ADGRE1: variants seen among roughly 807,000 people sequenced by gnomAD.
The protein encoded by ADGRE1 is EGF-like module receptor 1.
ADGRE1 carries 82 observed loss-of-function variants against 102.7 expected under a neutral mutation model. That is an observed-to-expected ratio of 0.80 (90% CI 0.67 to 0.96). The LOEUF is 0.96. Among genes scored for constraint, ADGRE1 ranks in the 40% least tolerant of loss-of-function variants. The probability of loss-of-function intolerance (pLI) is 0.00; values close to 1 mark genes in which losing one functional copy is unlikely to be tolerated. For synonymous variants in ADGRE1, 398 were observed against 399.6 expected (o/e 1.00, Z 0.05); for missense variants, 1,032 against 1,085.3 (o/e 0.95, Z 0.69).
In ADGRE1 at chr19:6,940,199, A is replaced by C; in HGVS notation, c.*170A>C. 1.4e-6 allele frequency: 1 copy of C among 716,760 alleles called. No homozygotes were observed. Among genetic ancestry groups the C allele is most frequent in the Non-Finnish European group, 2.3e-6 (1 of 430,110 alleles). The allele number at this position is 716,760 out of a possible 1,614,324, so 44.4% of individuals were successfully genotyped here. A position where few individuals can be genotyped will look rare whatever the true frequency, so the allele number is the denominator to read the frequency against. Reference sequence around the variant, plus strand: ...GGGCGGTCTTCCTGTGGTTGTATGCACTGATGAGAAATCAGGCGTTTCTGC... The same window carrying C: ...GGGCGGTCTTCCTGTGGTTGTATGCCCTGATGAGAAATCAGGCGTTTCTGC... On this transcript the variant is annotated 3_prime_UTR_variant, in exon 21 of 21. Transcript: ENST00000312053.
chr19:6,902,395 TTTTGTTTG>T (rs796674956), intron 6 of ADGRE1, among the ~76,000 whole-genome samples: 2 of 152,100 alleles, frequency 1.3e-5, no homozygotes, highest in South Asian at 2.1e-4. Flanking sequence ...GTGTGCCTCT[TTTTGTTTG>T]TTTGTTTGTT....
At chr19:6,920,515 G>GTTTTTTT (rs1568355076) in intron 13 of ADGRE1, among the ~76,000 whole-genome samples, 11 of 67,982 alleles carry the variant, frequency 1.6e-4, no homozygotes, top group Non-Finnish European at 2.4e-4. Flanking sequence ...CACCATGCCC[G>GTTTTTTT]CTTTTTTTTT....
At chr19:6,919,423 TCTCTCC>T in intron 12 of ADGRE1, 119 bp from the exon 13 acceptor site, 5 of 557,880 alleles carry the variant, frequency 9.0e-6, no homozygotes, top group East Asian at 4.4e-5. Flanking sequence ...TCTCTCTCTC[TCTCTCC>T]CCCTCCCTCC....
rs1975461572 is a variant in ADGRE1, at chr19:6,937,401, T to C, written c.2540T>C (p.Leu847Pro). Residue 847 changes from leucine (L) to proline (P), a missense_variant, in exon 19 of 21, where the codon CTC becomes CCC. Coordinates refer to ENST00000312053, the MANE Select transcript of ADGRE1 (RefSeq NM_001974.5). ...GAFIFLIHCL[L>P]NGQVREEYKR... ...TTCATCTTCCTCATCCACTGTCTGCTCAACGGCCAGGTGTGTAGCTGCTGC... is the reference window on the plus strand; with the variant it reads ...TTCATCTTCCTCATCCACTGTCTGCCCAACGGCCAGGTGTGTAGCTGCTGC... 5 of 1,613,400 alleles carry C rather than the reference T, an allele frequency of 3.1e-6. No homozygotes were observed. The highest frequency in any genetic ancestry group is 4.2e-6 in the Non-Finnish European group (5 of 1,179,922).
intron 10 of ADGRE1, among the ~76,000 whole-genome samples, chr19:6,911,481 T>C (rs958501396): frequency 6.4e-5 from 9 of 141,166 alleles, no homozygotes; most frequent in Admixed American, 6.2e-4. Context: ...TGAATATTAC[T>C]ATTACTATTG....
intron 20 of ADGRE1, among the ~76,000 whole-genome samples, chr19:6,938,372 T>C (rs927235104): frequency 6.6e-6 from 1 of 152,076 alleles, no homozygotes; most frequent in African/African-American, 2.4e-5. Context: ...TATCTTCACA[T>C]GTATATTTAT....
chr19:6,939,875 G>A (rs1342287691), intron 20 of ADGRE1, 149 bp from the exon 21 acceptor site: 2 of 947,934 alleles, frequency 2.1e-6, no homozygotes, highest in African/African-American at 3.3e-5. Context: ...TGCCACACTA[G>A]GGACAATCGC....
intron 13 of ADGRE1, among the ~76,000 whole-genome samples, chr19:6,920,464 C>T (rs1450550035): frequency 6.7e-6 from 1 of 149,548 alleles, no homozygotes; most frequent in Non-Finnish European, 1.5e-5. Flanking sequence ...CGTGATCCGC[C>T]CGCTTTGGCC....
intron 1 of ADGRE1, among the ~76,000 whole-genome samples, chr19:6,889,687 C>CAAAAAAA (rs1178774112): frequency 4.8e-5 from 2 of 41,762 alleles, no homozygotes; most frequent in Admixed American, 3.0e-4. Context: ...GACTCCATCT[C>CAAAAAAA]AAAAAAAAAA....
chr19:6,922,654 AC>A (rs1974722140), intron 14 of ADGRE1, among the ~76,000 whole-genome samples: 4 of 151,168 alleles, frequency 2.6e-5, no homozygotes, highest in African/African-American at 7.3e-5. Context: ...ACACACACAC[AC>A]ACAAACAAAA....
intron 9 of ADGRE1, among the ~76,000 whole-genome samples, chr19:6,908,013 T>A (rs1201668545): frequency 2.6e-5 from 4 of 152,228 alleles, no homozygotes; most frequent in Non-Finnish European, 4.4e-5. Flanking sequence ...TGCAGCACTG[T>A]GACATGTTCA....
At chr19:6,896,692 G>T (rs1973564738) in intron 3 of ADGRE1, 151 bp downstream of exon 3, 3 of 872,722 alleles carry the variant, frequency 3.4e-6, no homozygotes, top group Admixed American at 2.9e-5. Context: ...GGTCATTTCT[G>T]TTCAAGGTTA....
chr19:6,930,881 C>T (rs910635065), intron 17 of ADGRE1, among the ~76,000 whole-genome samples: 1 of 152,072 alleles, frequency 6.6e-6, no homozygotes, highest in African/African-American at 2.4e-5. Flanking sequence ...TCAGGTGACC[C>T]ACCCGCCTCG....
Position 6,940,104 on chromosome 19 carries a change from A to T in ADGRE1, c.*75A>T. ...AGTTTCCTGCAGGAGCCTACCCTGA[A>T]ATCTCTTCTCAGCTTAACATGGAAA... On this transcript the variant is annotated 3_prime_UTR_variant, in exon 21 of 21. Coordinates refer to ENST00000312053, the MANE Select transcript of ADGRE1 (RefSeq NM_001974.5). 1 of 1,526,976 alleles carries T rather than the reference A, an allele frequency of 6.5e-7. No individual in the cohort carries two copies. Among genetic ancestry groups the T allele is most frequent in the Non-Finnish European group, 9.0e-7 (1 of 1,107,126 alleles). 94.6% of individuals were successfully genotyped at this position (1,526,976 alleles called of 1,614,324 possible).
In ADGRE1 at chr19:6,921,735, C is replaced by T. The variant is rs908526537; in HGVS notation, c.1643C>T (p.Pro548Leu). Reference protein sequence around the residue: ...NIQPKQKFERPICVSWSTDVK... With the variant: ...NIQPKQKFERLICVSWSTDVK... ...TAGCCAAAGCAGAAGTTTGAGAGGC[C>T]CATCTGTGTTTCCTGGAGCACTGAT... The change falls in exon 14 of 21, where the codon CCC becomes CTC. Residue 548 changes from proline to leucine, a missense_variant. Physicochemically the swap from Pro to Leu is moderately conservative, Grantham distance 98. Coordinates refer to ENST00000312053, the MANE Select transcript of ADGRE1 (RefSeq NM_001974.5). 1.9e-6 allele frequency: 3 copies of T among 1,607,170 alleles called. No homozygotes were observed. Among genetic ancestry groups the T allele is most frequent in the African/African-American group, 1.3e-5 (1 of 74,464 alleles).
At chr19:6,902,859 C>T (rs1206332838) in intron 6 of ADGRE1, among the ~76,000 whole-genome samples, 2 of 152,232 alleles carry the variant, frequency 1.3e-5, no homozygotes, top group African/African-American at 4.8e-5. Context: ...GCCTCAGCCT[C>T]TTGAGTAGCT....
intron 5 of ADGRE1, 103 bp downstream of exon 5, chr19:6,897,650 A>C (rs1973613525): frequency 4.6e-6 from 6 of 1,290,896 alleles, no homozygotes; most frequent in Non-Finnish European, 6.1e-6. Context: ...GGGATAAGAA[A>C]ATTGGGGCTC....
intron 1 of ADGRE1, 110 bp downstream of exon 1, chr19:6,887,749 G>A: frequency 8.4e-7 from 1 of 1,195,236 alleles, no homozygotes; most frequent in Non-Finnish European, 1.2e-6. Context: ...AGTCCAGACT[G>A]GATGCTGCAA....
At chr19:6,915,132 A>G (rs987803969) in intron 11 of ADGRE1, among the ~76,000 whole-genome samples, 1 of 151,960 alleles carries the variant, frequency 6.6e-6, no homozygotes, top group Non-Finnish European at 1.5e-5. Context: ...CAGCCTCCTG[A>G]GTAGCTGGGA....
Sources: allele counts gnomAD v4.1 joint callset (sites outside exome capture counted in the v4.1 genomes callset), GRCh38; gene constraint gnomAD v4.1.1; transcripts MANE v1.5; gene names NCBI Gene and HGNC (gene_info 2026-07-23, HGNC 2026-07-21).